The following SLC26A5 variants were observed in gnomAD, a reference collection of about 807,000 sequenced individuals.
The protein encoded by SLC26A5 is prestin.
Under a neutral mutation model 81.0 loss-of-function variants are expected in SLC26A5, and 51 were observed. That is an observed-to-expected ratio of 0.63 (90% CI 0.50 to 0.80). The LOEUF is 0.80. Ranked by LOEUF, SLC26A5 falls within the 30% of genes least tolerant of loss-of-function variation. The pLI is 0.00. For synonymous variants in SLC26A5, 325 were observed against 332.8 expected, an observed-to-expected ratio of 0.98 and a Z score of 0.25; for missense variants, 771 against 905.8, an observed-to-expected ratio of 0.85 and a Z score of 1.91.
intron 19 of SLC26A5, chr7:103,354,077 C>A: frequency 2.7e-6 from 2 of 742,724 alleles, no homozygotes; most frequent in Non-Finnish European, 4.2e-6. Flanking sequence ...AAAAACCAAA[C>A]AAAAAATAAA....
At chr7:103,390,853 T>G (rs893595697) in intron 11 of SLC26A5, among the ~76,000 whole-genome samples, 1 of 151,084 alleles carries the variant, frequency 6.6e-6, no homozygotes, top group Non-Finnish European at 1.5e-5. Flanking sequence ...AGTAGCCACA[T>G]GTGGCCATTT....
chr7:103,354,064 T>A, intron 19 of SLC26A5: 1 of 851,190 alleles, frequency 1.2e-6, no homozygotes, highest in Non-Finnish European at 1.8e-6. Flanking sequence ...AAACCAAAAA[T>A]TAAAAAACCA....
intron 19 of SLC26A5, among the ~76,000 whole-genome samples, chr7:103,354,391 G>C (rs946478614): frequency 7.2e-6 from 1 of 139,360 alleles, no homozygotes; most frequent in Non-Finnish European, 1.5e-5. Flanking sequence ...TTTTTGAAAC[G>C]GAGTGTTGCT....
chr7:103,399,708 C>T (rs1823423107), intron 8 of SLC26A5, among the ~76,000 whole-genome samples: 1 of 152,180 alleles, frequency 6.6e-6, no homozygotes, highest in Non-Finnish European at 1.5e-5. Context: ...TCTCCTAATG[C>T]TATCCCTCCT....
chr7:103,360,732 G>A (rs116921253), intron 19 of SLC26A5, among the ~76,000 whole-genome samples: 150 of 152,234 alleles, frequency 9.9e-4, no homozygotes, highest in Admixed American at 3.2e-3. Flanking sequence ...GGGGAAAGGC[G>A]GTTGACTATT....
chr7:103,399,459 GA>G (rs11289656), intron 8 of SLC26A5, among the ~76,000 whole-genome samples: 3,495 of 152,298 alleles, frequency 0.023, 122 homozygotes, highest in African/African-American at 0.08. Flanking sequence ...CAAGACTGAG[GA>G]AAAGAAAAGG....
chr7:103,370,880 T>G (rs888822632), downstream of SLC26A5, among the ~76,000 whole-genome samples: 1 of 152,256 alleles, frequency 6.6e-6, no homozygotes, highest in African/African-American at 2.4e-5. Flanking sequence ...AAAACAGTGC[T>G]TTCCCATATA....
downstream of SLC26A5, among the ~76,000 whole-genome samples, chr7:103,371,421 T>C (rs1821028915): frequency 1.3e-5 from 2 of 149,520 alleles, no homozygotes; most frequent in South Asian, 2.1e-4. Flanking sequence ...GCCTCCCGGG[T>C]TCACGCCATT....
chr7:103,362,136 G>GT (rs779208281), intron 19 of SLC26A5: 1 of 1,604,830 alleles, frequency 6.2e-7, no homozygotes, highest in Admixed American at 1.8e-5. Context: ...TAAGGATACT[G>GT]TCTCACATTC....
At chr7:103,355,794 G>T in intron 19 of SLC26A5, 1 of 1,605,520 alleles carries the variant, frequency 6.2e-7, no homozygotes, top group Non-Finnish European at 8.5e-7. Context: ...AGGTTGCCAG[G>T]TATGCACGGG....
intron 19 of SLC26A5, chr7:103,364,359 T>G: frequency 1.3e-6 from 2 of 1,588,568 alleles, no homozygotes; most frequent in Non-Finnish European, 1.7e-6. Context: ...TTTTACAGTA[T>G]GAATGAAATT....
intron 2 of SLC26A5, among the ~76,000 whole-genome samples, chr7:103,424,395 AGCT>A (rs1290290773): frequency 2.6e-5 from 4 of 152,206 alleles, no homozygotes; most frequent in African/African-American, 9.6e-5. Context: ...CCCAGGACCT[AGCT>A]CAGTACTTGT....
chr7:103,353,835 G>A (rs554411468), intron 19 of SLC26A5: 23 of 1,151,054 alleles, frequency 2.0e-5, no homozygotes, highest in South Asian at 9.5e-5. Context: ...AATTTGAATC[G>A]AACAGAAAAA....
At chr7:103,378,349 G>T (rs1044368879) in intron 17 of SLC26A5, 97 bp downstream of exon 17, 2 of 1,213,920 alleles carry the variant, frequency 1.6e-6, no homozygotes, top group Non-Finnish European at 2.4e-6. Flanking sequence ...TCCTCTTTTA[G>T]TAACTTCGTG....
intron 14 of SLC26A5, 174 bp downstream of exon 14, chr7:103,388,834 T>C: frequency 3.3e-6 from 2 of 605,656 alleles, no homozygotes; most frequent in Non-Finnish European, 6.2e-6. Flanking sequence ...AATTTTTAAA[T>C]TGGCATTTTG....
At chr7:103,398,097 A>C (rs936204967) in intron 8 of SLC26A5, 83 bp from the exon 9 acceptor site, 27 of 1,022,092 alleles carry the variant, frequency 2.6e-5, no homozygotes, top group Non-Finnish European at 4.0e-5. Flanking sequence ...TATGTTAGTC[A>C]AGTCAAATCT....
At chr7:103,363,569 G>A in intron 19 of SLC26A5, 1 of 780,246 alleles carries the variant, frequency 1.3e-6, no homozygotes, top group Non-Finnish European at 2.1e-6. Context: ...AGAGGGTGGA[G>A]AGAGGAGGTG....
At chr7:103,396,964 A>T (rs56350366) in intron 9 of SLC26A5, among the ~76,000 whole-genome samples, 1 of 151,098 alleles carries the variant, frequency 6.6e-6, no homozygotes, top group East Asian at 2.0e-4. Flanking sequence ...ATGTGGTGGC[A>T]CACACCTGTA....
At chr7:103,382,230 T>A (rs2116396078) in intron 14 of SLC26A5, among the ~76,000 whole-genome samples, 1 of 152,248 alleles carries the variant, frequency 6.6e-6, no homozygotes, top group Middle Eastern at 3.4e-3. Context: ...TGACTCATAG[T>A]AGGGGAGTAG....
Sources: allele counts gnomAD v4.1 joint callset (sites outside exome capture counted in the v4.1 genomes callset), GRCh38; gene constraint gnomAD v4.1.1; transcripts MANE v1.5; gene names NCBI Gene and HGNC (gene_info 2026-07-23, HGNC 2026-07-21).